SNTG2: variants seen among roughly 807,000 people sequenced by gnomAD.
The protein encoded by SNTG2 is syntrophin gamma 2.
Under a neutral mutation model 70.9 loss-of-function variants are expected in SNTG2, and 74 were observed. The observed-to-expected ratio is 1.04, with a 90% confidence interval of 0.86 to 1.27. SNTG2 has a LOEUF of 1.27. Ranked by LOEUF, SNTG2 falls within the 50% of genes most tolerant of loss-of-function variation. The pLI, the probability that SNTG2 is intolerant of heterozygous loss-of-function variation, is 0.00. For synonymous variants in SNTG2, 278 were observed against 273.8 expected (o/e 1.02, Z -0.15); for missense variants, 717 against 690.7 (o/e 1.04, Z -0.43).
intron 1 of SNTG2, among the ~76,000 whole-genome samples, chr2:1,064,028 C>T (rs1051386293): frequency 6.6e-6 from 1 of 152,002 alleles, no homozygotes; most frequent in African/African-American, 2.4e-5. Flanking sequence ...ATAGAAAAAT[C>T]TTAAAAACAG....
chr2:1,087,432 C>T (rs1194903410), intron 2 of SNTG2, among the ~76,000 whole-genome samples: 1 of 152,152 alleles, frequency 6.6e-6, no homozygotes, highest in African/African-American at 2.4e-5. Flanking sequence ...TAACCTCTTA[C>T]TGTTCCCGGG....
intron 14 of SNTG2, among the ~76,000 whole-genome samples, chr2:1,300,058 G>T (rs1680385366): frequency 6.6e-6 from 1 of 152,082 alleles, no homozygotes; most frequent in Non-Finnish European, 1.5e-5. Context: ...GCTCTGAAGG[G>T]CGTGCAAGAA....
intron 1 of SNTG2, among the ~76,000 whole-genome samples, chr2:1,057,738 A>G (rs1662554397): frequency 1.3e-5 from 2 of 152,148 alleles, no homozygotes; most frequent in South Asian, 4.1e-4. Flanking sequence ...GTTGACACTC[A>G]CTATTAACCA....
chr2:1,224,605 G>A (rs1276108039), intron 9 of SNTG2, among the ~76,000 whole-genome samples: 1 of 152,198 alleles, frequency 6.6e-6, no homozygotes, highest in African/African-American at 2.4e-5. Flanking sequence ...GGAGGAGGAG[G>A]TACAGACAGA....
chr2:1,358,735 T>C (rs1660985961), intron 16 of SNTG2, among the ~76,000 whole-genome samples: 1 of 152,182 alleles, frequency 6.6e-6, no homozygotes, highest in Non-Finnish European at 1.5e-5. Context: ...ATGTCAGTCT[T>C]CTTATATTTG....
At chr2:1,346,663 A>T (rs1283006976) in intron 16 of SNTG2, 1 of 152,216 alleles carries the variant, frequency 6.6e-6, no homozygotes. Context: ...ACCTGGGGAC[A>T]CACAGTCTCC....
At position 1,239,817 on chromosome 2, in the gene SNTG2, G is replaced by A. The variant is rs751138532; in HGVS notation, c.888+41G>A. 82 of 1,601,318 alleles carry A rather than the reference G, an allele frequency of 5.1e-5. 2 individuals carry two copies. In the South Asian group the frequency reaches 6.3e-4, roughly 12 times the overall value. On this transcript the variant is annotated intron_variant, in intron 11 of 16. Transcript: ENST00000308624. ...TCTGCTTCATGATGTAACACATCAGGTAGGGTTTGTATTTTCTGATTCATG... is the reference window on the plus strand; with the variant it reads ...TCTGCTTCATGATGTAACACATCAGATAGGGTTTGTATTTTCTGATTCATG...
chr2:1,308,815 T>C (rs1210760535), intron 15 of SNTG2, among the ~76,000 whole-genome samples: 1 of 151,556 alleles, frequency 6.6e-6, no homozygotes, highest in African/African-American at 2.4e-5. Flanking sequence ...GTCAGGTGGG[T>C]GGATAGGGAA....
intron 1 of SNTG2, among the ~76,000 whole-genome samples, chr2:986,334 A>G (rs1014800559): frequency 6.6e-6 from 1 of 152,194 alleles, no homozygotes; most frequent in African/African-American, 2.4e-5. Flanking sequence ...AGGTAACTTT[A>G]CCCTTTAGAG....
chr2:1,293,910 C>T (rs536725486), intron 14 of SNTG2, among the ~76,000 whole-genome samples: 13 of 152,152 alleles, frequency 8.5e-5, no homozygotes, highest in South Asian at 2.1e-4. Context: ...TTGGTTGATC[C>T]GAAACTGGAA....
chr2:1,211,873 C>A (rs558960132), intron 9 of SNTG2, among the ~76,000 whole-genome samples: 2 of 152,266 alleles, frequency 1.3e-5, no homozygotes, highest in South Asian at 4.2e-4. Context: ...GACTTGATAA[C>A]CCATTCTGGC....
At chr2:986,839 C>T (rs1661339402) in intron 1 of SNTG2, among the ~76,000 whole-genome samples, 1 of 152,090 alleles carries the variant, frequency 6.6e-6, no homozygotes, top group African/African-American at 2.4e-5. Context: ...TTAGAAAAAC[C>T]AATAAATACT....
chr2:1,231,294 A>C (rs1676227804), intron 9 of SNTG2, among the ~76,000 whole-genome samples: 1 of 152,026 alleles, frequency 6.6e-6, no homozygotes, highest in African/African-American at 2.4e-5. Flanking sequence ...TGAATTACTT[A>C]GGATAATGAC....
intron 1 of SNTG2, among the ~76,000 whole-genome samples, chr2:988,515 A>G (rs1661399268): frequency 6.6e-6 from 1 of 152,160 alleles, no homozygotes; most frequent in African/African-American, 2.4e-5. Context: ...TGCGGGGTCA[A>G]TAGGGTGTTA....
At chr2:1,162,425 G>T (rs1013425037) in intron 6 of SNTG2, among the ~76,000 whole-genome samples, 2 of 152,182 alleles carry the variant, frequency 1.3e-5, no homozygotes, top group Non-Finnish European at 2.9e-5. Flanking sequence ...GATGGGGCAC[G>T]GTGAGCTTCA....
At chr2:1,082,446 C>T (rs1023403959) in intron 1 of SNTG2, among the ~76,000 whole-genome samples, 3 of 152,168 alleles carry the variant, frequency 2.0e-5, no homozygotes, top group South Asian at 2.1e-4. Context: ...GCCACAGCCT[C>T]ATCCTTCACA....
At chr2:1,237,131 T>A (rs369921869) in intron 9 of SNTG2, among the ~76,000 whole-genome samples, 75 of 152,006 alleles carry the variant, frequency 4.9e-4, no homozygotes, top group South Asian at 3.3e-3. Flanking sequence ...TTCGTAGAGA[T>A]GGGACTTCAC....
intron 1 of SNTG2, among the ~76,000 whole-genome samples, chr2:1,049,740 A>G (rs114170246): frequency 6.6e-6 from 1 of 152,198 alleles, no homozygotes; most frequent in Non-Finnish European, 1.5e-5. Flanking sequence ...ACATGGCTGT[A>G]CCATTTTGCA....
At chr2:1,215,262 G>C (rs1462003831) in intron 9 of SNTG2, among the ~76,000 whole-genome samples, 1 of 152,152 alleles carries the variant, frequency 6.6e-6, no homozygotes, top group East Asian at 1.9e-4. Flanking sequence ...GGTGAGTTTG[G>C]AAGTGTTCCC....
Sources: allele counts gnomAD v4.1 joint callset (sites outside exome capture counted in the v4.1 genomes callset), GRCh38; gene constraint gnomAD v4.1.1; transcripts MANE v1.5; gene names NCBI Gene and HGNC (gene_info 2026-07-23, HGNC 2026-07-21).